PCDHGA1: variants seen among roughly 807,000 people sequenced by gnomAD.
PCDHGA1 encodes the protein protocadherin gamma subfamily A, 1, also known as protocadherin gamma-A1.
PCDHGA1 carries 32 observed loss-of-function variants against 58.0 expected under a neutral mutation model. That is an observed-to-expected ratio of 0.55 (90% confidence interval 0.42 to 0.74). The LOEUF (loss-of-function observed/expected upper bound fraction) is 0.74, where lower values mean the gene tolerates loss of function less well. PCDHGA1 is among the 30% of genes least tolerant of loss of function. The pLI is 0.00. For missense variants in PCDHGA1, 1,205 were observed against 1,182.3 expected (o/e 1.02, Z -0.28); for synonymous variants, 498 against 501.1 (o/e 0.99, Z 0.08).
intron 1 of PCDHGA1, chr5:141,394,518 A>C (rs1256235757): frequency 6.2e-7 from 1 of 1,614,094 alleles, no homozygotes; most frequent in Non-Finnish European, 8.5e-7. Flanking sequence ...CGCCCTCCCC[A>C]CAGACGGTTC....
At chr5:141,455,789 G>A (rs966897617) in intron 1 of PCDHGA1, among the ~76,000 whole-genome samples, 56 of 152,058 alleles carry the variant, frequency 3.7e-4, no homozygotes, top group African/African-American at 1.3e-3. Context: ...AACTTTTCCG[G>A]AGATGCTTTA....
chr5:141,339,003 G>C (rs1054139403), intron 1 of PCDHGA1: 1 of 1,560,328 alleles, frequency 6.4e-7, no homozygotes, highest in South Asian at 1.2e-5. Flanking sequence ...CCACACTGCA[G>C]AAAGCTGGTC....
At chr5:141,480,871 C>T (rs1262582761) in intron 1 of PCDHGA1, among the ~76,000 whole-genome samples, 1 of 151,930 alleles carries the variant, frequency 6.6e-6, no homozygotes, top group Non-Finnish European at 1.5e-5. Context: ...ATGGTGAAAC[C>T]CCGTCTCTAC....
At position 141,486,449 on chromosome 5, in the gene PCDHGA1, A is replaced by G; in HGVS notation, c.2422-8358A>G. On this transcript the variant is annotated intron_variant, in intron 1 of 3. Coordinates refer to ENST00000517417, the MANE Select transcript of PCDHGA1 (RefSeq NM_018912.3). The surrounding 1 kb of genome is among the most constrained non-coding windows in gnomAD (Gnocchi z 5.0). The stretch of plus-strand genomic sequence containing the variant: ...CAAATCTAGCTATGACATCATGGTC[A>G]CTGCTTCTGATGCTGGGAACCCTCC... The G allele has an allele frequency of 6.2e-7, 1 of 1,614,184 alleles. No homozygotes were observed. Among genetic ancestry groups the G allele is most frequent in the Non-Finnish European group, 8.5e-7 (1 of 1,180,000 alleles).
In PCDHGA1 at chr5:141,491,727, G is replaced by C; in HGVS notation, c.2422-3080G>C. On this transcript the variant is annotated intron_variant, in intron 1 of 3. Transcript: ENST00000517417. This position sits in a 1 kb window ranked among gnomAD's most constrained non-coding sequence, Gnocchi z 6.9. ...TGAGGGGCTCGGCGCCGCCCCGGGC[G>C]ACCCCTGGGGGCGGCACTGGAGAAG... 6.2e-7 allele frequency: 1 copy of C among 1,604,916 alleles called. No individual in the cohort carries two copies. The highest frequency in any genetic ancestry group is 8.5e-7 in the Non-Finnish European group (1 of 1,176,284).
intron 1 of PCDHGA1, chr5:141,370,328 G>T: frequency 1.4e-6 from 2 of 1,405,614 alleles, no homozygotes; most frequent in South Asian, 2.9e-5. Flanking sequence ...CCTGCTCGGA[G>T]AACTCTTGGG....
Position 141,388,879 on chromosome 5 carries a change from A to C in PCDHGA1, c.2421+55774A>C, listed in dbSNP as rs771776263. 3 of 1,613,956 alleles carry C rather than the reference A, an allele frequency of 1.9e-6. No individual in the cohort carries two copies. In the East Asian group the frequency reaches 6.7e-5, roughly 36 times the overall value. ...GGAATGATTGCGCAATGCACAGTGG[A>C]GGTAGAAGTCATAGATGAAAATGAC... On this transcript the variant is annotated intron_variant, in intron 1 of 3. Transcript: ENST00000517417.
At chr5:141,406,777 C>G (rs1235306644) in intron 1 of PCDHGA1, among the ~76,000 whole-genome samples, 1 of 152,150 alleles carries the variant, frequency 6.6e-6, no homozygotes, top group Non-Finnish European at 1.5e-5. Flanking sequence ...ATTTCTCTCA[C>G]TTATATATTA....
chr5:141,355,089 C>G (rs1381580612), intron 1 of PCDHGA1: 1 of 1,474,082 alleles, frequency 6.8e-7, no homozygotes, highest in East Asian at 2.3e-5. Context: ...AGCGGAAGCC[C>G]TGAGAGCTCT....
rs1306500688 is a variant in PCDHGA1 at position 141,491,142 on chromosome 5, A to T, written c.2422-3665A>T. ...GTGAGGTGCGCACAGCCCGGGCCTTACTGGAGGATGACTCTGACACCCAGC... is the reference window on the plus strand; with the variant it reads ...GTGAGGTGCGCACAGCCCGGGCCTTTCTGGAGGATGACTCTGACACCCAGC... On this transcript the variant is annotated intron_variant, in intron 1 of 3. Coordinates refer to ENST00000517417, the MANE Select transcript of PCDHGA1 (RefSeq NM_018912.3). This position sits in a 1 kb window ranked among gnomAD's most constrained non-coding sequence, Gnocchi z 6.9. 6.2e-7 allele frequency: 1 copy of T among 1,614,090 alleles called. No homozygotes were observed. Among genetic ancestry groups the T allele is most frequent in the Non-Finnish European group, 8.5e-7 (1 of 1,179,976 alleles).
intron 1 of PCDHGA1, among the ~76,000 whole-genome samples, chr5:141,456,406 G>A (rs1038971451): frequency 2.0e-5 from 3 of 152,080 alleles, no homozygotes; most frequent in South Asian, 2.1e-4. Flanking sequence ...GCTTCTAGGC[G>A]AGAAGAAACA....
chr5:141,420,975 G>A, intron 1 of PCDHGA1: 2 of 458,946 alleles, frequency 4.4e-6, no homozygotes, highest in South Asian at 4.2e-5. Context: ...TAATAAGAAT[G>A]GGCTCTAGGC....
intron 1 of PCDHGA1, chr5:141,395,335 T>C (rs2093216572): frequency 6.9e-7 from 1 of 1,441,668 alleles, no homozygotes; most frequent in Non-Finnish European, 9.2e-7. Flanking sequence ...GAAAATAATT[T>C]TTAAGGTGTA....
chr5:141,475,947 C>A, intron 1 of PCDHGA1: 1 of 748,120 alleles, frequency 1.3e-6, no homozygotes, highest in Non-Finnish European at 2.1e-6. Context: ...CGTCCCCTTT[C>A]TGCGCCCCGG....
intron 1 of PCDHGA1, chr5:141,428,516 G>A (rs763205471): frequency 3.6e-6 from 1 of 281,256 alleles, no homozygotes; most frequent in Non-Finnish European, 7.0e-6. Context: ...TCTAGAAAAA[G>A]AAGATTTAAT....
chr5:141,381,177 C>T (rs935775632), intron 1 of PCDHGA1, among the ~76,000 whole-genome samples: 3 of 152,214 alleles, frequency 2.0e-5, no homozygotes, highest in Admixed American at 6.5e-5. Context: ...TCCCACAAAA[C>T]GAAGTTAAGC....
At chr5:141,381,812 CTTTCT>C (rs1426701973) in intron 1 of PCDHGA1, among the ~76,000 whole-genome samples, 18 of 129,486 alleles carry the variant, frequency 1.4e-4, no homozygotes, top group African/African-American at 3.6e-4. Context: ...TTCTTTCTTT[CTTTCT>C]TTCTTCTTCT....
At chr5:141,342,505 C>T (rs1309167023) in intron 1 of PCDHGA1, 1 of 152,110 alleles carries the variant, frequency 6.6e-6, no homozygotes, top group Non-Finnish European at 1.5e-5. Context: ...TACCATATTT[C>T]TCAAAGTGCT....
intron 1 of PCDHGA1, chr5:141,356,448 A>G: frequency 6.2e-7 from 1 of 1,612,888 alleles, no homozygotes; most frequent in Non-Finnish European, 8.5e-7. Context: ...AAGAAGTCTC[A>G]GAATATAACA....
Sources: allele counts gnomAD v4.1 joint callset (sites outside exome capture counted in the v4.1 genomes callset), GRCh38; gene constraint gnomAD v4.1.1; non-coding constraint Gnocchi (gnomAD v3.1); transcripts MANE v1.5; gene names NCBI Gene and HGNC (gene_info 2026-07-23, HGNC 2026-07-21).